The following CCDC175 variants were observed in gnomAD, a reference collection of about 807,000 sequenced individuals.
CCDC175 encodes the protein coiled-coil domain-containing protein 175.
Under a neutral mutation model 114.6 loss-of-function variants are expected in CCDC175, and 100 were observed. The observed-to-expected ratio is 0.87, with a 90% CI of 0.74 to 1.03. CCDC175 has a LOEUF of 1.03. Ranked by LOEUF, CCDC175 falls within the 50% of genes least tolerant of loss-of-function variation. The pLI is 0.00. For synonymous variants in CCDC175, 306 were observed against 308.7 expected, an observed-to-expected ratio of 0.99 and a Z score of 0.09; for missense variants, 880 against 917.8, an observed-to-expected ratio of 0.96 and a Z score of 0.53.
At chr14:59,573,216 C>CA (rs377192156) in intron 2 of CCDC175, among the ~76,000 whole-genome samples, 43 of 152,198 alleles carry the variant, frequency 2.8e-4, no homozygotes, top group African/African-American at 1.0e-3. Flanking sequence ...CCTACAAACC[C>CA]AAACAAGTAG....
At chr14:59,523,573 T>C (rs1418861893) in intron 16 of CCDC175, among the ~76,000 whole-genome samples, 2 of 152,234 alleles carry the variant, frequency 1.3e-5, no homozygotes, top group African/African-American at 2.4e-5. Flanking sequence ...CCTCTAACAT[T>C]ACAGGCATTG....
chr14:59,555,309 C>A (rs1233968841), intron 7 of CCDC175, among the ~76,000 whole-genome samples: 2 of 152,154 alleles, frequency 1.3e-5, no homozygotes, highest in Non-Finnish European at 2.9e-5. Flanking sequence ...GCTGGTTCAA[C>A]ACATGCAAAT....
intron 8 of CCDC175, among the ~76,000 whole-genome samples, chr14:59,545,783 T>C (rs914477099): frequency 6.6e-6 from 1 of 152,112 alleles, no homozygotes; most frequent in African/African-American, 2.4e-5. Context: ...TCAAACGAGG[T>C]AAGAAAGTCA....
intron 19 of CCDC175, among the ~76,000 whole-genome samples, chr14:59,506,528 T>G (rs1362695014): frequency 6.6e-6 from 1 of 152,126 alleles, no homozygotes; most frequent in South Asian, 2.1e-4. Flanking sequence ...CCTCAAGTGA[T>G]CTGCTCACCT....
intron 7 of CCDC175, among the ~76,000 whole-genome samples, chr14:59,552,232 T>C (rs1240388598): frequency 2.0e-5 from 3 of 152,340 alleles, no homozygotes; most frequent in Admixed American, 1.3e-4. Context: ...AGGGGCAGAC[T>C]GACACGTCAA....
At chr14:59,534,158 G>T (rs564632812) in intron 13 of CCDC175, among the ~76,000 whole-genome samples, 1 of 152,086 alleles carries the variant, frequency 6.6e-6, no homozygotes, top group Admixed American at 6.6e-5. Context: ...CTCTTGTTCC[G>T]TTCTCTGAAA....
intron 7 of CCDC175, 111 bp from the exon 8 acceptor site, chr14:59,551,547 CAGAA>C (rs750077446): frequency 1.0e-4 from 53 of 511,244 alleles, no homozygotes; most frequent in Non-Finnish European, 1.7e-4. Context: ...GTGAGTGACA[CAGAA>C]GATGGGTGAT....
At chr14:59,568,149 C>T in intron 4 of CCDC175, 96 bp downstream of exon 4, 1 of 1,247,460 alleles carries the variant, frequency 8.0e-7, no homozygotes, top group Non-Finnish European at 1.1e-6. Flanking sequence ...ACTCGCCCTG[C>T]CACAGTTCAG....
intron 17 of CCDC175, among the ~76,000 whole-genome samples, chr14:59,515,018 T>C (rs1285290145): frequency 1.3e-5 from 2 of 152,178 alleles, no homozygotes; most frequent in Non-Finnish European, 2.9e-5. Flanking sequence ...TATTCAACAT[T>C]CTTAAAGAAA....
At position 59,529,412 on chromosome 14, in the gene CCDC175, G is replaced by C. The variant is rs115880077; in HGVS notation, c.1763-2238C>G. Among the ~76,000 whole-genome samples the C allele has an allele frequency of 7.3e-3, 1,111 of 152,220 alleles. 14 individuals carry two copies. Among genetic ancestry groups the C allele is most frequent in the African/African-American group, 0.025 (1,049 of 41,528 alleles). On this transcript the variant is annotated intron_variant, in intron 14 of 19. Transcript: ENST00000537690. Reference sequence around the variant, plus strand: ...TCACTCAGCTAACTGCACAAGAAGGGGATTTGACCTGGAGCTCTAATTGCT... The same window carrying C: ...TCACTCAGCTAACTGCACAAGAAGGCGATTTGACCTGGAGCTCTAATTGCT...
chr14:59,517,266 G>A (rs1206947675), intron 17 of CCDC175, among the ~76,000 whole-genome samples: 1 of 152,178 alleles, frequency 6.6e-6, no homozygotes, highest in East Asian at 1.9e-4. Context: ...GTACAAGACA[G>A]GGATGCCCTC....
At chr14:59,566,203 C>G (rs940508541) in intron 4 of CCDC175, among the ~76,000 whole-genome samples, 1 of 152,158 alleles carries the variant, frequency 6.6e-6, no homozygotes, top group Non-Finnish European at 1.5e-5. Context: ...ACATCCATTG[C>G]GGGCGGTGTC....
intron 4 of CCDC175, among the ~76,000 whole-genome samples, chr14:59,567,456 T>C (rs1277783410): frequency 2.0e-5 from 3 of 152,194 alleles, no homozygotes; most frequent in Non-Finnish European, 4.4e-5. Context: ...AGACTTTTTT[T>C]CCCCTATGAT....
At position 59,538,794 on chromosome 14, in the gene CCDC175, G is replaced by A. The variant is rs952772476; in HGVS notation, c.1402C>T (p.Arg468Cys). Residue 468 changes from arginine to cysteine, a missense_variant, in exon 12 of 20, where the codon CGT becomes TGT. By Grantham distance (180) the Arg-to-Cys change is radical. Coordinates refer to ENST00000537690, the MANE Select transcript of CCDC175 (RefSeq NM_001164399.2). ...KMACLRKKHA[R>C]WTAKIKAEIQ... ...TCAGCTTTTATCTTGGCTGTCCAAC[G>A]TGCATGCTTTTTTCTCAAGCAAGCC... The A allele has an allele frequency of 3.3e-5, 50 of 1,536,456 alleles. No homozygotes were observed. Among genetic ancestry groups the A allele is most frequent in the Non-Finnish European group, 3.8e-5 (43 of 1,146,574 alleles).
chr14:59,563,984 T>A (rs1479775873), intron 5 of CCDC175, 125 bp from the exon 6 acceptor site: 8 of 543,256 alleles, frequency 1.5e-5, no homozygotes, highest in Non-Finnish European at 5.4e-6. Context: ...TCAAGTATAG[T>A]AATAAGTAAA....
intron 3 of CCDC175, among the ~76,000 whole-genome samples, chr14:59,572,003 T>G (rs997711622): frequency 2.6e-5 from 4 of 152,184 alleles, no homozygotes; most frequent in Non-Finnish European, 5.9e-5. Context: ...GCATTTCAGA[T>G]TTATGGATTA....
chr14:59,561,221 C>A lies in CCDC175; in HGVS notation c.851G>T (p.Ser284Ile). The A allele has an allele frequency of 6.6e-7, 1 of 1,520,952 alleles. No homozygotes were observed. The highest frequency in any genetic ancestry group is 8.8e-7 in the Non-Finnish European group (1 of 1,133,894). 94.2% of individuals were successfully genotyped at this position (1,520,952 alleles called of 1,614,324 possible). A position where few individuals can be genotyped will look rare whatever the true frequency, so the allele number is the denominator to read the frequency against. ...TCGTGCTATCTCTAAATTGTGATCA[C>A]TAAGAACCTATTAAAAATTAAACAA... The part of the protein sequence containing the change: ...ETVTVSAAVL[S>I]DHNLEIARLH... The change falls in exon 7 of 20, where the codon AGT becomes ATT. Residue 284 changes from serine (S) to isoleucine (I), a missense_variant. Physicochemically the swap from Ser to Ile is moderately radical, Grantham distance 142 (BLOSUM62 -2). Coordinates refer to ENST00000537690, the MANE Select transcript of CCDC175 (RefSeq NM_001164399.2).
At chr14:59,513,994 C>G (rs1892906651) in intron 17 of CCDC175, among the ~76,000 whole-genome samples, 3 of 152,202 alleles carry the variant, frequency 2.0e-5, no homozygotes. Context: ...CAGGCAGCAA[C>G]ATTTGATGTT....
In CCDC175 at chr14:59,568,488, T is replaced by C. The variant is rs980312139; in HGVS notation, c.356-108A>G. On this transcript the variant is annotated intron_variant, in intron 3 of 19. Coordinates refer to ENST00000537690, the MANE Select transcript of CCDC175 (RefSeq NM_001164399.2). ...TTTGAAATATTCTTTTAATAATGTT[T>C]TTTATCAAGCATTTCTTACTCCCTT... 7 of 888,462 alleles carry C rather than the reference T, an allele frequency of 7.9e-6. No individual in the cohort carries two copies. In the African/African-American group the frequency reaches 1.2e-4, roughly 16 times the overall value. 55.0% of individuals were successfully genotyped at this position (888,462 alleles called of 1,614,324 possible). A position where few individuals can be genotyped will look rare whatever the true frequency, so the allele number is the denominator to read the frequency against.
Sources: allele counts gnomAD v4.1 joint callset (sites outside exome capture counted in the v4.1 genomes callset), GRCh38; gene constraint gnomAD v4.1.1; transcripts MANE v1.5; gene names NCBI Gene and HGNC (gene_info 2026-07-23, HGNC 2026-07-21).